PPARA: variants seen among roughly 807,000 people sequenced by gnomAD.
The protein encoded by PPARA is peroxisome proliferator-activated receptor alpha.
A neutral mutation model predicts 42.2 loss-of-function variants in PPARA; 22 were observed. That is an observed-to-expected ratio of 0.52 (90% confidence interval 0.37 to 0.74). The LOEUF is 0.74. PPARA is among the 30% of genes least tolerant of loss of function. The pLI, the probability that PPARA is intolerant of heterozygous loss-of-function variation, is 0.00. For missense variants in PPARA, 465 were observed against 608.2 expected, an observed-to-expected ratio of 0.76 and a Z score of 2.48; for synonymous variants, 242 against 239.3, an observed-to-expected ratio of 1.01 and a Z score of -0.10.
Position 46,187,523 on chromosome 22 carries a change from T to C in PPARA, c.-43+10687T>C, listed in dbSNP as rs1930982098. Among the ~76,000 whole-genome samples, 1 of 152,236 alleles carries C rather than the reference T, an allele frequency of 6.6e-6. No homozygotes were observed. The highest frequency in any genetic ancestry group is 1.5e-5 in the Non-Finnish European group (1 of 68,032). ...TGTCACCATCTTTTCTTGGGACAGTTACAACAGCCCCGTAAGGAGTTGTGC... is the reference window on the plus strand; with the variant it reads ...TGTCACCATCTTTTCTTGGGACAGTCACAACAGCCCCGTAAGGAGTTGTGC... On this transcript the variant is annotated intron_variant, in intron 3 of 8. Transcript: ENST00000407236. The surrounding 1 kb of genome is among the most constrained non-coding windows in gnomAD (Gnocchi z 4.9).
In PPARA at chr22:46,230,132, G is replaced by A. The variant is rs1445552144; in HGVS notation, c.712-1660G>A. On this transcript the variant is annotated intron_variant, in intron 7 of 8. Transcript: ENST00000407236. The surrounding 1 kb of genome is among the most constrained non-coding windows in gnomAD (Gnocchi z 5.0). ...CACCCCTGTAATCCCAGCACTTTGG[G>A]AGGCTGAGGTGGGCAGATTACCTGA... is the stretch of plus-strand genomic sequence containing the variant. Among the ~76,000 whole-genome samples the A allele has an allele frequency of 1.3e-5, 2 of 152,182 alleles. No homozygotes were observed. Among genetic ancestry groups the A allele is most frequent in the Non-Finnish European group, 2.9e-5 (2 of 68,036 alleles).
At position 46,219,151 on chromosome 22, in the gene PPARA, G is replaced by A. The variant is rs1007650321; in HGVS notation, c.509-661G>A. 2.0e-5 allele frequency among the ~76,000 whole-genome samples: 3 copies of A among 151,740 alleles called. No individual in the cohort carries two copies. Among genetic ancestry groups the A allele is most frequent in the Non-Finnish European group, 4.4e-5 (3 of 67,976 alleles). On this transcript the variant is annotated intron_variant, in intron 6 of 8. Transcript: ENST00000407236. This position sits in a 1 kb window ranked among gnomAD's most constrained non-coding sequence, Gnocchi z 4.8. ...CACTCCAGCCTGGGCGACAGAGTGC[G>A]ACTCCGTCTCAAAAAAAAAGAAAAA...
chr22:46,228,932 G>A (rs976975518), intron 7 of PPARA, among the ~76,000 whole-genome samples: 13 of 151,198 alleles, frequency 8.6e-5, no homozygotes, highest in Middle Eastern at 3.4e-3. Context: ...GTGAAACCCC[G>A]TCTCTACTAA....
rs370068847 is a variant in PPARA, at chr22:46,235,229, A to G, written c.1256A>G (p.Asp419Gly). 4 of 1,614,096 alleles carry G rather than the reference A, an allele frequency of 2.5e-6. No individual in the cohort carries two copies. The highest frequency in any genetic ancestry group is 3.4e-6 in the Non-Finnish European group (4 of 1,180,046). ...CACCTGCAGAGCAACCACCCGGACG[A>G]TATCTTTCTCTTCCCAAAACTTCTT... ...RLHLQSNHPD[D>G]IFLFPKLLQK... Residue 419 changes from aspartate (D) to glycine (G), a missense_variant, in exon 9 of 9, where the codon GAT becomes GGT. Around this residue, in one of 2 missense-constraint regions of PPARA, gnomAD observed 313 missense variants for 469.1 expected, o/e 0.67. Coordinates refer to ENST00000407236, the MANE Select transcript of PPARA (RefSeq NM_005036.6). This position sits in a 1 kb window ranked among gnomAD's most constrained non-coding sequence, Gnocchi z 7.0.
In PPARA at chr22:46,219,253, G is replaced by A. The variant is rs1271827663; in HGVS notation, c.509-559G>A. ...TTAGAAACTTCAGTGGTAAGACTTTGATACAGAATCGAAAAACCAAGTGGA... is the reference window on the plus strand; with the variant it reads ...TTAGAAACTTCAGTGGTAAGACTTTAATACAGAATCGAAAAACCAAGTGGA... On this transcript the variant is annotated intron_variant, in intron 6 of 8. Coordinates refer to ENST00000407236, the MANE Select transcript of PPARA (RefSeq NM_005036.6). The surrounding 1 kb of genome is among the most constrained non-coding windows in gnomAD (Gnocchi z 4.8). 1.3e-5 allele frequency among the ~76,000 whole-genome samples: 2 copies of A among 152,168 alleles called. No homozygotes were observed. The highest frequency in any genetic ancestry group is 2.9e-5 in the Non-Finnish European group (2 of 68,024).
chr22:46,198,614 A>T (rs778623665), intron 4 of PPARA, 23 bp downstream of exon 4: 1 of 1,588,374 alleles, frequency 6.3e-7, no homozygotes, highest in South Asian at 1.1e-5. Context: ...TTTCCTAGAA[A>T]GTTTTATTTA....
chr22:46,199,134 G>A (rs1255069318), intron 4 of PPARA, among the ~76,000 whole-genome samples: 3 of 152,126 alleles, frequency 2.0e-5, no homozygotes, highest in Non-Finnish European at 2.9e-5. Flanking sequence ...ATTCAGTCAC[G>A]GGGAACAGCT....
At chr22:46,199,945 A>T (rs907360052) in intron 4 of PPARA, among the ~76,000 whole-genome samples, 12 of 151,744 alleles carry the variant, frequency 7.9e-5, no homozygotes, top group African/African-American at 2.4e-4. Flanking sequence ...CTGGTCTCAA[A>T]CTCCTGACGT....
At chr22:46,228,495 C>G (rs1935630824) in intron 7 of PPARA, among the ~76,000 whole-genome samples, 1 of 152,132 alleles carries the variant, frequency 6.6e-6, no homozygotes, top group Admixed American at 6.5e-5. Flanking sequence ...GAGATCACGC[C>G]ACTGCACTCC....
Position 46,167,716 on chromosome 22 carries a change from G to A in PPARA, c.-126-9037G>A, listed in dbSNP as rs1336852975. Among the ~76,000 whole-genome samples, 1 of 152,066 alleles carries A rather than the reference G, an allele frequency of 6.6e-6. No individual in the cohort carries two copies. The highest frequency in any genetic ancestry group is 2.4e-5 in the African/African-American group (1 of 41,396). On this transcript the variant is annotated intron_variant, in intron 2 of 8. Coordinates refer to ENST00000407236, the MANE Select transcript of PPARA (RefSeq NM_005036.6). This position sits in a 1 kb window ranked among gnomAD's most constrained non-coding sequence, Gnocchi z 4.1. ...ATATGAGAAAATTCTAGTGATTTGG[G>A]GTTTGGCAAAGATTCCTTGAACATG...
chr22:46,179,718 A>C (rs1929680095), intron 3 of PPARA, among the ~76,000 whole-genome samples: 1 of 152,224 alleles, frequency 6.6e-6, no homozygotes, highest in African/African-American at 2.4e-5. Context: ...AATAAATTGA[A>C]CTTCATCAAA....
At chr22:46,155,359 G>A (rs556760357) in intron 2 of PPARA, 2 of 152,178 alleles carry the variant, frequency 1.3e-5, no homozygotes, top group Non-Finnish European at 2.9e-5. Context: ...TTGTTGCCCA[G>A]ACTGGCGTGC....
chr22:46,177,143 A>G (rs4253672), intron 3 of PPARA, among the ~76,000 whole-genome samples: 8,056 of 152,180 alleles, frequency 0.053, 226 homozygotes, highest in Middle Eastern at 0.1. Context: ...CACAGGAGGC[A>G]GAGCTTGCAG....
rs112088655 is a variant in PPARA, at chr22:46,167,739, A to G, written c.-126-9014A>G. On this transcript the variant is annotated intron_variant, in intron 2 of 8. Coordinates refer to ENST00000407236, the MANE Select transcript of PPARA (RefSeq NM_005036.6). This position sits in a 1 kb window ranked among gnomAD's most constrained non-coding sequence, Gnocchi z 4.1. ...GGGGTTTGGCAAAGATTCCTTGAAC[A>G]TGATTTAAAAAGCATTAACTAGGCC... Among the ~76,000 whole-genome samples the G allele has an allele frequency of 2.3e-4, 35 of 152,202 alleles. No individual in the cohort carries two copies. Among genetic ancestry groups the G allele is most frequent in the African/African-American group, 7.7e-4 (32 of 41,448 alleles).
rs1936171615 is a variant in PPARA, at chr22:46,235,732, G to C, written c.*352G>C. The C allele has an allele frequency of 3.0e-6, 1 of 335,396 alleles. No homozygotes were observed. Among genetic ancestry groups the C allele is most frequent in the African/African-American group, 2.1e-5 (1 of 47,112 alleles). 20.8% of individuals were successfully genotyped at this position (335,396 alleles called of 1,614,324 possible). ...TTAACTGGTAACCTCAAAATTCGTG[G>C]CCTGTCTTCCCATTCACCCCGCTTT... On this transcript the variant is annotated 3_prime_UTR_variant, in exon 9 of 9. Coordinates refer to ENST00000407236, the MANE Select transcript of PPARA (RefSeq NM_005036.6). This position sits in a 1 kb window ranked among gnomAD's most constrained non-coding sequence, Gnocchi z 7.0.
chr22:46,179,716 G>C (rs1929679461), intron 3 of PPARA, among the ~76,000 whole-genome samples: 1 of 151,528 alleles, frequency 6.6e-6, no homozygotes, highest in Admixed American at 6.6e-5. Context: ...TCAATAAATT[G>C]AACTTCATCA....
At position 46,221,802 on chromosome 22, in the gene PPARA, G is replaced by A. The variant is rs566969692; in HGVS notation, c.711+1788G>A. ...GCGACAAAGCCAGCTGTGTCTGGGC[G>A]CGGTGGCTCATGTCTGTAATCCCAG... On this transcript the variant is annotated intron_variant, in intron 7 of 8. Transcript: ENST00000407236. This position sits in a 1 kb window ranked among gnomAD's most constrained non-coding sequence, Gnocchi z 5.9. Among the ~76,000 whole-genome samples, 12 of 152,168 alleles carry A rather than the reference G, an allele frequency of 7.9e-5. No homozygotes were observed. The highest frequency in any genetic ancestry group is 2.6e-4 in the Admixed American group (4 of 15,284).
rs958627922 is a variant in PPARA at position 46,221,715 on chromosome 22, C to T, written c.711+1701C>T. 1.2e-4 allele frequency among the ~76,000 whole-genome samples: 19 copies of T among 152,178 alleles called. No individual in the cohort carries two copies. Among genetic ancestry groups the T allele is most frequent in the Admixed American group, 7.9e-4 (12 of 15,284 alleles). ...TTGGGAAGCTGAGGCAGGAGAATGG[C>T]GTGAACCCAGGAGGCAGAGCTTGCA... On this transcript the variant is annotated intron_variant, in intron 7 of 8. Transcript: ENST00000407236. The surrounding 1 kb of genome is among the most constrained non-coding windows in gnomAD (Gnocchi z 5.9).
Position 46,182,483 on chromosome 22 carries a change from C to A in PPARA, c.-43+5647C>A, listed in dbSNP as rs1193547325. Among the ~76,000 whole-genome samples, 1 of 152,126 alleles carries A rather than the reference C, an allele frequency of 6.6e-6. No homozygotes were observed. Among genetic ancestry groups the A allele is most frequent in the Admixed American group, 6.5e-5 (1 of 15,270 alleles). On this transcript the variant is annotated intron_variant, in intron 3 of 8. Transcript: ENST00000407236. The surrounding 1 kb of genome is among the most constrained non-coding windows in gnomAD (Gnocchi z 5.2). ...TAAGTATAATACATACTGCTTGATT[C>A]TATTTGTATAAAACTAGAAAGTACA... is the stretch of plus-strand genomic sequence containing the variant.
Sources: gnomAD v4.1 joint callset for allele counts (sites outside exome capture counted in the v4.1 genomes callset) on GRCh38, gnomAD v4.1.1 for gene constraint, gnomAD v4.1.1 regional missense constraint, Gnocchi (gnomAD v3.1) non-coding constraint, MANE v1.5 for transcripts, NCBI Gene and HGNC (gene_info 2026-07-23, HGNC 2026-07-21) for gene names.